Variants in ATP8A2 observed in about 807,000 individuals in gnomAD.
ATP8A2 encodes ATPase phospholipid transporting 8A2.
ATP8A2 carries 100 observed loss-of-function variants against 165.6 expected under a neutral mutation model. The observed-to-expected ratio is 0.60, with a 90% CI of 0.51 to 0.71. ATP8A2 has a LOEUF of 0.71. ATP8A2 is among the 30% of genes least tolerant of loss of function. The probability of loss-of-function intolerance (pLI) is 0.00; values close to 1 mark genes in which losing one functional copy is unlikely to be tolerated. For synonymous variants in ATP8A2, 543 were observed against 548.8 expected (o/e 0.99, Z 0.15); for missense variants, 1,227 against 1,479.5 (o/e 0.83, Z 2.80).
intron 33 of ATP8A2, among the ~76,000 whole-genome samples, chr13:25,939,106 G>T (rs1954995404): frequency 6.6e-6 from 1 of 152,154 alleles, no homozygotes; most frequent in African/African-American, 2.4e-5. Flanking sequence ...GCCTCCCAAA[G>T]TGCTGGGATT....
intron 24 of ATP8A2, among the ~76,000 whole-genome samples, chr13:25,694,116 A>C (rs2042786300): frequency 8.2e-6 from 1 of 122,220 alleles, no homozygotes; most frequent in East Asian, 3.5e-4. Context: ...CTGCCAAGGA[A>C]GAAGAACCAT....
At chr13:25,496,190 G>A (rs1391503445) in intron 2 of ATP8A2, among the ~76,000 whole-genome samples, 2 of 152,094 alleles carry the variant, frequency 1.3e-5, no homozygotes, top group African/African-American at 4.8e-5. Flanking sequence ...ATGACTTTAT[G>A]TAATTATGTA....
chr13:25,813,613 A>T (rs1336762149), intron 27 of ATP8A2, among the ~76,000 whole-genome samples: 1 of 140,362 alleles, frequency 7.1e-6, no homozygotes, highest in East Asian at 2.1e-4. Context: ...AGGACACTGA[A>T]TGGAATCTTG....
chr13:25,425,334 C>A (rs936072805), intron 1 of ATP8A2, among the ~76,000 whole-genome samples: 1 of 152,072 alleles, frequency 6.6e-6, no homozygotes, highest in African/African-American at 2.4e-5. Context: ...CCCCAGCACC[C>A]CCCAATGCCT....
chr13:25,483,195 T>G (rs2036257220), intron 2 of ATP8A2, among the ~76,000 whole-genome samples: 1 of 152,188 alleles, frequency 6.6e-6, no homozygotes, highest in African/African-American at 2.4e-5. Context: ...CTTGGGATGG[T>G]TAGCAGTGGG....
At chr13:25,678,097 TA>T (rs148461796) in intron 24 of ATP8A2, among the ~76,000 whole-genome samples, 2,242 of 152,202 alleles carry the variant, frequency 0.015, 57 homozygotes, top group African/African-American at 0.051. Context: ...AGTGGATAAG[TA>T]ATAGAGGTGC....
chr13:25,474,005 T>C (rs1438279988), intron 2 of ATP8A2, among the ~76,000 whole-genome samples: 1 of 152,228 alleles, frequency 6.6e-6, no homozygotes, highest in African/African-American at 2.4e-5. Context: ...AAATAGTGAA[T>C]TTCAAAGCCA....
rs184008212 is a variant in ATP8A2, at chr13:25,635,106, T to C, written c.2211+45407T>C. 1.6e-4 allele frequency among the ~76,000 whole-genome samples: 25 copies of C among 152,344 alleles called. 1 individual carries two copies. In the South Asian group the frequency reaches 2.1e-3, roughly 13 times the overall value. ...AGGATTGTATTGTGTGTCAGAACTTTGCTCTGTGCTGGGGATGTAAGACCA... is the reference window on the plus strand; with the variant it reads ...AGGATTGTATTGTGTGTCAGAACTTCGCTCTGTGCTGGGGATGTAAGACCA... On this transcript the variant is annotated intron_variant, in intron 24 of 36. Transcript: ENST00000381655.
chr13:25,587,921 T>C (rs909570665), intron 23 of ATP8A2, among the ~76,000 whole-genome samples: 28 of 152,226 alleles, frequency 1.8e-4, no homozygotes, highest in African/African-American at 6.8e-4. Flanking sequence ...AGACTTGAAC[T>C]AGTTTGTAAA....
intron 24 of ATP8A2, among the ~76,000 whole-genome samples, chr13:25,641,354 C>T (rs567472318): frequency 6.6e-6 from 1 of 152,250 alleles, no homozygotes; most frequent in East Asian, 1.9e-4. Context: ...ATTTAGAAAA[C>T]CCCATCGTTT....
At chr13:25,671,557 C>T (rs149987663) in intron 24 of ATP8A2, among the ~76,000 whole-genome samples, 10 of 152,218 alleles carry the variant, frequency 6.6e-5, no homozygotes, top group African/African-American at 2.4e-4. Context: ...TAAACTGGCC[C>T]CCCTGGGTGT....
intron 25 of ATP8A2, among the ~76,000 whole-genome samples, chr13:25,734,998 G>C (rs942177390): frequency 6.6e-6 from 1 of 152,142 alleles, no homozygotes; most frequent in Non-Finnish European, 1.5e-5. Flanking sequence ...AGGAACAAGC[G>C]ATAAGTTCTA....
chr13:25,766,741 C>A (rs953796216), intron 25 of ATP8A2, among the ~76,000 whole-genome samples: 8 of 152,232 alleles, frequency 5.3e-5, no homozygotes, highest in Non-Finnish European at 1.2e-4. Flanking sequence ...GCAGCATCCC[C>A]AGGGCACCTG....
intron 25 of ATP8A2, among the ~76,000 whole-genome samples, chr13:25,732,228 G>C (rs1382877901): frequency 6.6e-6 from 1 of 152,180 alleles, no homozygotes; most frequent in African/African-American, 2.4e-5. Flanking sequence ...TGCTTTCTGG[G>C]CTGTTATCTC....
chr13:25,803,211 A>G (rs1458084654), intron 27 of ATP8A2, among the ~76,000 whole-genome samples: 10 of 152,146 alleles, frequency 6.6e-5, no homozygotes, highest in Non-Finnish European at 8.8e-5. Flanking sequence ...CTTTATGTTT[A>G]TGTATTCGTA....
chr13:25,964,092 T>A (rs1955722382), intron 34 of ATP8A2, among the ~76,000 whole-genome samples: 1 of 152,208 alleles, frequency 6.6e-6, no homozygotes, highest in Non-Finnish European at 1.5e-5. Context: ...ACCCAGCACC[T>A]GGCACCACGG....
chr13:25,531,706 C>T (rs968079854), intron 4 of ATP8A2, among the ~76,000 whole-genome samples: 53 of 152,040 alleles, frequency 3.5e-4, no homozygotes, highest in Non-Finnish European at 5.9e-4. Context: ...CACACCTGAC[C>T]TCGTGTGATG....
chr13:25,458,679 T>A (rs969261827), intron 1 of ATP8A2, among the ~76,000 whole-genome samples: 4 of 152,190 alleles, frequency 2.6e-5, no homozygotes, highest in Non-Finnish European at 5.9e-5. Context: ...AGCAATGTAA[T>A]GAGATACACC....
At chr13:25,795,401 A>T (rs1200943502) in intron 27 of ATP8A2, among the ~76,000 whole-genome samples, 1 of 152,214 alleles carries the variant, frequency 6.6e-6, no homozygotes, top group Non-Finnish European at 1.5e-5. Flanking sequence ...CATGTTTAGC[A>T]TATTTGGTCG....
Sources: allele counts gnomAD v4.1 joint callset (sites outside exome capture counted in the v4.1 genomes callset), GRCh38; gene constraint gnomAD v4.1.1; transcripts MANE v1.5; gene names NCBI Gene and HGNC (gene_info 2026-07-23, HGNC 2026-07-21).